Variants in NCKAP5 observed in about 807,000 individuals in gnomAD.
NCKAP5 encodes nck-associated protein 5.
In NCKAP5, 92 loss-of-function variants were observed where a neutral mutation model predicts 167.0. The ratio of observed to expected loss-of-function variants is 0.55; its 90% CI spans 0.47 to 0.66. The LOEUF (loss-of-function observed/expected upper bound fraction) is 0.66. Among genes scored for constraint, NCKAP5 ranks in the 30% least tolerant of loss-of-function variants. The pLI is 0.00. For synonymous variants in NCKAP5, 891 were observed against 877.4 expected (o/e 1.02, Z -0.27); for missense variants, 2,378 against 2,315.0 (o/e 1.03, Z -0.56).
chr2:133,123,828 T>C (rs1358542147), intron 6 of NCKAP5: 1 of 471,086 alleles, frequency 2.1e-6, no homozygotes, highest in Non-Finnish European at 4.4e-6. Flanking sequence ...GTTCTTTTAA[T>C]GTACCAGATA....
At chr2:133,418,958 T>C (rs1253956835) in intron 3 of NCKAP5, among the ~76,000 whole-genome samples, 1 of 152,174 alleles carries the variant, frequency 6.6e-6, no homozygotes, top group African/African-American at 2.4e-5. Context: ...AAAATTCTTT[T>C]AAAAATGAAG....
intron 4 of NCKAP5, among the ~76,000 whole-genome samples, chr2:133,257,893 C>A (rs1262809620): frequency 1.3e-5 from 2 of 152,182 alleles, no homozygotes; most frequent in African/African-American, 4.8e-5. Flanking sequence ...GGAAAACCAG[C>A]AGAAGTGCAC....
chr2:133,141,999 C>CAA (rs2149840800), intron 5 of NCKAP5, among the ~76,000 whole-genome samples: 1 of 152,004 alleles, frequency 6.6e-6, no homozygotes, highest in South Asian at 2.1e-4. Flanking sequence ...ATACAATTAC[C>CAA]AAAGTTAGAA....
intron 5 of NCKAP5, among the ~76,000 whole-genome samples, chr2:133,139,613 G>A (rs1399029395): frequency 2.0e-5 from 3 of 152,092 alleles, no homozygotes; most frequent in Non-Finnish European, 4.4e-5. Flanking sequence ...TAGATTTTGA[G>A]GAGAATGACA....
At chr2:133,390,031 C>T (rs1687283863) in intron 3 of NCKAP5, among the ~76,000 whole-genome samples, 1 of 152,182 alleles carries the variant, frequency 6.6e-6, no homozygotes, top group African/African-American at 2.4e-5. Flanking sequence ...GCCTCCAACC[C>T]CAGTTCCAAA....
chr2:133,071,157 GA>G (rs2080380735), intron 6 of NCKAP5, among the ~76,000 whole-genome samples: 1 of 152,154 alleles, frequency 6.6e-6, no homozygotes, highest in Non-Finnish European at 1.5e-5. Flanking sequence ...CATTCACAGG[GA>G]ACAACAGAAA....
intron 4 of NCKAP5, among the ~76,000 whole-genome samples, chr2:133,227,606 A>C (rs1559292245): frequency 6.6e-6 from 1 of 152,148 alleles, no homozygotes; most frequent in Non-Finnish European, 1.5e-5. Flanking sequence ...AAATTTACTG[A>C]CTTTTATAAA....
chr2:132,712,183 G>T (rs1022042602), intron 19 of NCKAP5, among the ~76,000 whole-genome samples: 4 of 152,124 alleles, frequency 2.6e-5, no homozygotes, highest in African/African-American at 9.7e-5. Flanking sequence ...AACACTGGCA[G>T]TCAGAGGATG....
At chr2:133,127,881 C>A (rs1191489140) in intron 6 of NCKAP5, among the ~76,000 whole-genome samples, 1 of 152,110 alleles carries the variant, frequency 6.6e-6, no homozygotes, top group Non-Finnish European at 1.5e-5. Context: ...AGGGGTGGGA[C>A]ATGCATTTAT....
intron 5 of NCKAP5, among the ~76,000 whole-genome samples, chr2:133,172,773 G>A (rs34962273): frequency 0.14 from 21,348 of 152,004 alleles, 1,668 homozygotes; most frequent in East Asian, 0.37. Context: ...TCAGCCTCCC[G>A]AGGAGCTGGG....
At chr2:133,577,671 C>T in the NCKAP5 span, among the ~76,000 whole-genome samples, 1 of 152,050 alleles carries the variant, frequency 6.6e-6, no homozygotes, top group African/African-American at 2.4e-5. Context: ...TCCCAACTTC[C>T]CCCACCCCAC....
At chr2:132,770,412 TATA>T (rs1252195357) in intron 16 of NCKAP5, among the ~76,000 whole-genome samples, 1 of 148,056 alleles carries the variant, frequency 6.8e-6, no homozygotes, top group African/African-American at 2.4e-5. Context: ...TTATAACATA[TATA>T]ATAATATAGT....
intron 3 of NCKAP5, among the ~76,000 whole-genome samples, chr2:133,493,688 T>C (rs1483560079): frequency 6.6e-6 from 1 of 151,812 alleles, no homozygotes; most frequent in African/African-American, 2.4e-5. Flanking sequence ...TGTTTAGTCA[T>C]CGTCATCTAC....
At chr2:132,781,855 C>G in intron 14 of NCKAP5, 85 bp downstream of exon 14, 1 of 1,289,438 alleles carries the variant, frequency 7.8e-7, no homozygotes, top group South Asian at 1.5e-5. Flanking sequence ...GCTTGACTGG[C>G]CTTTAATGCA....
At chr2:133,084,297 G>T (rs1429820610) in intron 6 of NCKAP5, among the ~76,000 whole-genome samples, 1 of 152,154 alleles carries the variant, frequency 6.6e-6, no homozygotes, top group Admixed American at 6.6e-5. Flanking sequence ...CTTGGGACCT[G>T]CCATCATCAT....
chr2:133,526,165 G>GAGGAAGGAAGGAAGGAAGGA (rs1203618783), intron 2 of NCKAP5, among the ~76,000 whole-genome samples: 12 of 69,912 alleles, frequency 1.7e-4, no homozygotes, highest in East Asian at 5.5e-4. Context: ...GAAAGGGAAT[G>GAGGAAGGAAGGAAGGAAGGA]AGGAAGGAAG....
the NCKAP5 span, among the ~76,000 whole-genome samples, chr2:133,628,548 C>T: frequency 4.5e-4 from 68 of 152,186 alleles, 1 homozygote; most frequent in Admixed American, 1.8e-3. Context: ...GAATCAATAT[C>T]GTGAAAATGG....
At chr2:132,786,017 G>A (rs1180778591) in intron 13 of NCKAP5, among the ~76,000 whole-genome samples, 1 of 152,268 alleles carries the variant, frequency 6.6e-6, no homozygotes, top group Non-Finnish European at 1.5e-5. Context: ...TGTCAAGGGA[G>A]AAAATGGGAA....
chr2:132,816,288 G>A (rs1207163628), intron 11 of NCKAP5, among the ~76,000 whole-genome samples: 1 of 152,056 alleles, frequency 6.6e-6, no homozygotes, highest in Non-Finnish European at 1.5e-5. Flanking sequence ...GCTAAAAAAA[G>A]TGCAAAGTCA....
Sources: gnomAD v4.1 joint callset for allele counts (sites outside exome capture counted in the v4.1 genomes callset) on GRCh38, gnomAD v4.1.1 for gene constraint, MANE v1.5 for transcripts, NCBI Gene and HGNC (gene_info 2026-07-23, HGNC 2026-07-21) for gene names.